The following NOP2 variants were observed in gnomAD, a reference collection of about 807,000 sequenced individuals.
The protein encoded by NOP2 is 28S rRNA (cytosine(4447)-C(5))-methyltransferase.
NOP2 carries 7 observed loss-of-function variants against 72.7 expected under a neutral mutation model. That is an observed-to-expected ratio of 0.10 (90% CI 0.05 to 0.18). The LOEUF (loss-of-function observed/expected upper bound fraction) is 0.18. NOP2 is among the 10% of genes least tolerant of loss of function. The pLI is 1.00. For missense variants in NOP2, 954 were observed against 1,014.7 expected (o/e 0.94, Z 0.81); for synonymous variants, 387 against 388.0 (o/e 1.00, Z 0.03).
intron 5 of NOP2, 53 bp from the exon 6 acceptor site, chr12:6,563,999 T>C (rs761834895): frequency 4.4e-6 from 7 of 1,587,650 alleles, no homozygotes; most frequent in Non-Finnish European, 6.0e-6. Context: ...TCAGCCCTTG[T>C]AGCAGTTCTA....
chr12:6,556,886 G>A lies in NOP2; in HGVS notation c.*107C>T, dbSNP rs531982898. 7.6e-7 allele frequency: 1 copy of A among 1,311,048 alleles called. No homozygotes were observed. Among genetic ancestry groups the A allele is most frequent in the African/African-American group, 1.5e-5 (1 of 66,480 alleles). 81.2% of individuals were successfully genotyped at this position (1,311,048 alleles called of 1,614,324 possible). A position where few individuals can be genotyped will look rare whatever the true frequency, so the allele number is the denominator to read the frequency against. On this transcript the variant is annotated 3_prime_UTR_variant, in exon 16 of 16. Transcript: ENST00000322166. ...ACTCAGTGGCCAGAGGTTTTAAAAT[G>A]TGTATTAAATTTCATGGGTATGCAC...
At position 6,563,478 on chromosome 12, in the gene NOP2, C is replaced by A; in HGVS notation, c.725G>T (p.Arg242Leu). Residue 242 changes from arginine (R) to leucine (L), a missense_variant, in exon 8 of 16, where the codon CGG (arginine) becomes CTG (leucine). Physicochemically the swap from Arg to Leu is moderately radical, Grantham distance 102. Coordinates refer to ENST00000322166, the MANE Select transcript of NOP2 (RefSeq NM_001258308.2). ...QAPDLQRVHK[R>L]IQDIVGILRD... ...CAGAATTCCCACAATATCCTGGATCCGCTTGTGAACTCGTTGCAGGTCTGG... is the reference window on the plus strand; with the variant it reads ...CAGAATTCCCACAATATCCTGGATCAGCTTGTGAACTCGTTGCAGGTCTGG... 1 of 1,612,362 alleles carries A rather than the reference C, an allele frequency of 6.2e-7. No homozygotes were observed.
intron 15 of NOP2, chr12:6,558,027 G>A: frequency 2.9e-6 from 1 of 342,090 alleles, no homozygotes; most frequent in Non-Finnish European, 5.6e-6. Context: ...TGTAATCCTA[G>A]CTACTTGGGA....
intron 5 of NOP2, chr12:6,564,238 T>A: frequency 2.4e-6 from 1 of 419,274 alleles, no homozygotes. Flanking sequence ...ACCGAGCCAC[T>A]GCACTCCAGC....
Position 6,561,696 on chromosome 12 carries a change from C to G in NOP2, c.1175G>C (p.Cys392Ser). ...PQEHERILDMCCAPGGKTSYM... is the reference protein window; with the variant it reads ...PQEHERILDMSCAPGGKTSYM... ...GCTGGTCTTTCCTCCAGGGGCACAA[C>G]ACATGTCCAGGATCCGCTCATGTTC... The change falls in exon 11 of 16, where the codon TGT (cysteine) becomes TCT (serine). Residue 392 changes from cysteine (C) to serine (S), a missense_variant. Transcript: ENST00000322166. 6.2e-7 allele frequency: 1 copy of G among 1,613,854 alleles called. No individual in the cohort carries two copies. Among genetic ancestry groups the G allele is most frequent in the East Asian group, 2.2e-5 (1 of 44,876 alleles).
In NOP2 at chr12:6,560,332, T is replaced by C. The variant is rs376966062; in HGVS notation, c.1561-6A>G. 5.6e-6 allele frequency: 9 copies of C among 1,611,868 alleles called. No homozygotes were observed. Among genetic ancestry groups the C allele is most frequent in the Non-Finnish European group, 6.8e-6 (8 of 1,178,180 alleles). Reference sequence around the variant, plus strand: ...ACCCACTCATTCTCTTCTACCTGGATGTGGGGGGAAGACAAAGAACGGAGG... The same window carrying C: ...ACCCACTCATTCTCTTCTACCTGGACGTGGGGGGAAGACAAAGAACGGAGG... On this transcript the variant is annotated splice_region_variant and splice_polypyrimidine_tract_variant and intron_variant, in intron 14 of 15. Transcript: ENST00000322166. This position sits in a 1 kb window ranked among gnomAD's most constrained non-coding sequence, Gnocchi z 5.0.
chr12:6,557,566 T>C lies in NOP2; in HGVS notation c.1866A>G (p.Pro622=). ...TTGCAGCCCCCTTGGCTTTCTTGGC[T>C]GGCTGGCTGCTGTTCTCAGACTTGG... ...VIPKSENSSQ[P]AKKAKGAAKT... Residue 622 remains proline (P), a synonymous_variant, in exon 16 of 16, where the codon CCA becomes CCG. Transcript: ENST00000322166. 6.2e-7 allele frequency: 1 copy of C among 1,613,982 alleles called. No individual in the cohort carries two copies.
chr12:6,564,113 T>G, intron 5 of NOP2, 167 bp from the exon 6 acceptor site: 1 of 1,504,868 alleles, frequency 6.6e-7, no homozygotes, highest in Non-Finnish European at 8.9e-7. Flanking sequence ...CATTGCTCAC[T>G]GTTGAAACTA....
chr12:6,562,051 C>T (rs1048555716), intron 9 of NOP2, 80 bp from the exon 10 acceptor site: 4 of 1,067,348 alleles, frequency 3.7e-6, no homozygotes, highest in African/African-American at 1.6e-5. Flanking sequence ...TGAGGTGGCG[C>T]AATCTCGGCT....
In NOP2 at chr12:6,560,070, T is replaced by C. The variant is rs944716838; in HGVS notation, c.1789+28A>G. On this transcript the variant is annotated intron_variant, in intron 15 of 15. Transcript: ENST00000322166. This position sits in a 1 kb window ranked among gnomAD's most constrained non-coding sequence, Gnocchi z 5.0. ...TGAAAGGTGGAAAGAGCAAAGGTGGTGACGAAGGGAAGAAAAAGATTACTT... is the reference window on the plus strand; with the variant it reads ...TGAAAGGTGGAAAGAGCAAAGGTGGCGACGAAGGGAAGAAAAAGATTACTT... 9 of 1,526,408 alleles carry C rather than the reference T, an allele frequency of 5.9e-6. No individual in the cohort carries two copies. The African/African-American group carries it at 1.1e-4, about 19-fold the overall frequency. 94.6% of individuals were successfully genotyped at this position (1,526,408 alleles called of 1,614,324 possible).
rs759589088 is a variant in NOP2, at chr12:6,561,561, C to T, written c.1207+103G>A. The T allele has an allele frequency of 6.4e-5, 93 of 1,461,566 alleles. 1 individual carries two copies. Among genetic ancestry groups the T allele is most frequent in the Admixed American group, 1.3e-4 (7 of 52,146 alleles). The allele number at this position is 1,461,566 out of a possible 1,614,324, so 90.5% of individuals were successfully genotyped here. ...CTCACCACCCTGCTAGCTACCTGCA[C>T]ATTGTGTTCCATGAGCACTAGTGAG... On this transcript the variant is annotated intron_variant, in intron 11 of 15. Transcript: ENST00000322166.
rs377474874 is a variant in NOP2 at position 6,556,988 on chromosome 12, A to G, written c.*5T>C. 12 of 1,613,604 alleles carry G rather than the reference A, an allele frequency of 7.4e-6. No homozygotes were observed. In the African/African-American group the frequency reaches 1.6e-4, roughly 22 times the overall value. ...CAGTGAGCCACCCGTCTAGTTTTCA[A>G]CCATCTAAGATAGCAGCAGCTGGCT... On this transcript the variant is annotated 3_prime_UTR_variant, in exon 16 of 16. Transcript: ENST00000322166.
chr12:6,557,303 T>G lies in NOP2; in HGVS notation c.2129A>C (p.Lys710Thr), dbSNP rs1947511540. The change falls in exon 16 of 16, where the codon AAA becomes ACA. Residue 710 changes from lysine to threonine, a missense_variant. Physicochemically the swap from Lys to Thr is moderately conservative, Grantham distance 78. This residue lies in a region of NOP2 where 269 missense variants were observed against 260.2 expected (regional missense o/e 1.03). Coordinates refer to ENST00000322166, the MANE Select transcript of NOP2 (RefSeq NM_001258308.2). ...QRSPKLQSSK[K>T]VAFLRQNAPP... ...GGCATTCTGCCTGAGGAAAGCAACT[T>G]TCTTGGAGGACTGTAATTTAGGTGA... The G allele has an allele frequency of 6.2e-7, 1 of 1,613,882 alleles. No individual in the cohort carries two copies. The highest frequency in any genetic ancestry group is 1.7e-5 in the Admixed American group (1 of 60,000).
Position 6,557,011 on chromosome 12 carries a change from G to C in NOP2, c.2421C>G (p.Ser807Arg), listed in dbSNP as rs1412877271. ...CAACCATCTAAGATAGCAGCAGCTG[G>C]CTGTTGCCCCTGGACTGAGATTTCT... ...KRKKSQSRGN[S>R]QLLLS The change falls in exon 16 of 16, where the codon AGC becomes AGG. Residue 807 changes from serine (S) to arginine (R), a missense_variant. Coordinates refer to ENST00000322166, the MANE Select transcript of NOP2 (RefSeq NM_001258308.2). 6.2e-7 allele frequency: 1 copy of C among 1,614,036 alleles called. No individual in the cohort carries two copies. The highest frequency in any genetic ancestry group is 1.7e-5 in the Admixed American group (1 of 60,008).
At position 6,566,297 on chromosome 12, in the gene NOP2, C is replaced by G; in HGVS notation, c.278G>C (p.Gly93Ala). Residue 93 changes from glycine (G) to alanine (A), a missense_variant, in exon 5 of 16, where the codon GGA becomes GCA. Around this residue, in one of 3 missense-constraint regions of NOP2, gnomAD observed 498 missense variants for 478.3 expected, o/e 1.04. Transcript: ENST00000322166. ...AGAVQTAGKK[G>A]PQSLFNAPRG... ...AGGAGCATTAAATAGGGACTGGGGT[C>G]CCTTCTTACCAGCTGTCTGGACAGC... 1.2e-6 allele frequency: 2 copies of G among 1,613,878 alleles called. No individual in the cohort carries two copies. Among genetic ancestry groups the G allele is most frequent in the Non-Finnish European group, 1.7e-6 (2 of 1,179,884 alleles).
At chr12:6,559,411 G>C (rs1344427090) in intron 15 of NOP2, among the ~76,000 whole-genome samples, 1 of 152,184 alleles carries the variant, frequency 6.6e-6, no homozygotes, top group Non-Finnish European at 1.5e-5. Flanking sequence ...GAGCCACCGT[G>C]CCTGGCCACA....
Position 6,563,321 on chromosome 12 carries a change from C to T in NOP2, c.882G>A (p.Leu294=), listed in dbSNP as rs1298810512. ...CATTCTGGCAATCCAGTACCTCAGA[C>T]AGAGGGAAGAGGTCCATGAGCTTGC... ...LLGKLMDLFP[L]SELVEFLEAN... is the part of the protein sequence containing the mutation. Residue 294 remains leucine, a synonymous_variant, in exon 8 of 16, where the codon CTG becomes CTA. Coordinates refer to ENST00000322166, the MANE Select transcript of NOP2 (RefSeq NM_001258308.2). 1.3e-6 allele frequency: 2 copies of T among 1,591,820 alleles called. No homozygotes were observed. Among genetic ancestry groups the T allele is most frequent in the South Asian group, 2.3e-5 (2 of 87,510 alleles).
Position 6,557,341 on chromosome 12 carries a change from C to G in NOP2, c.2091G>C (p.Lys697Asn), listed in dbSNP as rs763659771. The change falls in exon 16 of 16, where the codon AAG becomes AAC. Residue 697 changes from lysine to asparagine, a missense_variant. Physicochemically the swap from Lys to Asn is moderately conservative, Grantham distance 94. Transcript: ENST00000322166. ...GTAATTTAGGTGATCGTTGCTTTAG[C>G]TTCCCAGTCACCTTTGGCTCCCTGA... ...EGIREPKVTGKLKQRSPKLQS... is the reference protein window; with the variant it reads ...EGIREPKVTGNLKQRSPKLQS... 6.2e-7 allele frequency: 1 copy of G among 1,614,054 alleles called. No homozygotes were observed. Among genetic ancestry groups the G allele is most frequent in the Admixed American group, 1.7e-5 (1 of 60,022 alleles).
chr12:6,558,610 CTTTTT>C (rs869220261), intron 15 of NOP2, among the ~76,000 whole-genome samples: 1 of 133,924 alleles, frequency 7.5e-6, no homozygotes, highest in Non-Finnish European at 1.6e-5. Flanking sequence ...CTTTATTTAT[CTTTTT>C]TTTTTTTTTT....
Sources: gnomAD v4.1 joint callset for allele counts (sites outside exome capture counted in the v4.1 genomes callset) on GRCh38, gnomAD v4.1.1 for gene constraint, gnomAD v4.1.1 regional missense constraint, Gnocchi (gnomAD v3.1) non-coding constraint, MANE v1.5 for transcripts, NCBI Gene and HGNC (gene_info 2026-07-23, HGNC 2026-07-21) for gene names.